Variants in KNTC1 observed in about 807,000 individuals in gnomAD.
KNTC1 encodes the protein kinetochore-associated protein 1.
In KNTC1, 253 loss-of-function variants were observed where a neutral mutation model predicts 314.4. That is an observed-to-expected ratio of 0.80 (90% confidence interval 0.73 to 0.89). KNTC1 has a LOEUF of 0.89. KNTC1 is among the 40% of genes least tolerant of loss of function. The pLI, the probability that KNTC1 is intolerant of heterozygous loss-of-function variation, is 0.00. For synonymous variants in KNTC1, 901 were observed against 901.4 expected (o/e 1.00, Z 0.01); for missense variants, 2,475 against 2,572.9 (o/e 0.96, Z 0.82).
intron 4 of KNTC1, among the ~76,000 whole-genome samples, chr12:122,538,819 G>A (rs1488920100): frequency 6.6e-6 from 1 of 152,204 alleles, no homozygotes; most frequent in African/African-American, 2.4e-5. Context: ...GGCATGTAGA[G>A]GCAGGGAACT....
chr12:122,585,042 C>A, intron 36 of KNTC1, 52 bp downstream of exon 36: 1 of 1,039,550 alleles, frequency 9.6e-7, no homozygotes, highest in Non-Finnish European at 1.5e-6. Context: ...GCATTATGCA[C>A]CTTTTTTTTT....
intron 5 of KNTC1, among the ~76,000 whole-genome samples, chr12:122,541,287 G>GCCTGCCTGCCTGCCTTCCCTCCTTCCTT (rs758235054): frequency 8.3e-6 from 1 of 120,968 alleles, no homozygotes; most frequent in African/African-American, 3.6e-5. Context: ...CTGCCTGCCT[G>GCCTGCCTGCCTGCCTTCCCTCCTTCCTT]CCTTCCTTCC....
intron 19 of KNTC1, among the ~76,000 whole-genome samples, 175 bp from the exon 20 acceptor site, chr12:122,562,463 G>T (rs1011702975): frequency 2.6e-5 from 4 of 151,382 alleles, no homozygotes; most frequent in African/African-American, 7.3e-5. Context: ...GTGTGTGTGT[G>T]TGTGTGTGTG....
intron 34 of KNTC1, 76 bp from the exon 35 acceptor site, chr12:122,584,201 TA>T (rs1868879903): frequency 1.1e-6 from 1 of 927,468 alleles, no homozygotes; most frequent in Non-Finnish European, 1.7e-6. Flanking sequence ...GTGGTGGTGA[TA>T]TATTAATCCA....
At position 122,561,924 on chromosome 12, in the gene KNTC1, T is replaced by C. The variant is rs1964001978; in HGVS notation, c.1492T>C (p.Leu498=). Residue 498 remains leucine (L), a synonymous_variant, in exon 19 of 64, where the codon TTG becomes CTG. Coordinates refer to ENST00000333479, the MANE Select transcript of KNTC1 (RefSeq NM_014708.6). ...ATTTCTTATTATTCTTACTTAGCTT[T>C]TGAAGAAAGAAGATAAAACTGCTCT... ...EMLNYAKTRL[L]KKEDKTALIY... 1 of 1,574,980 alleles carries C rather than the reference T, an allele frequency of 6.3e-7. No individual in the cohort carries two copies. Among genetic ancestry groups the C allele is most frequent in the Non-Finnish European group, 8.7e-7 (1 of 1,148,246 alleles).
In KNTC1 at chr12:122,603,065, C is replaced by T. The variant is rs370507743; in HGVS notation, c.4923C>T (p.His1641=). 9.0e-5 allele frequency: 146 copies of T among 1,613,590 alleles called. 1 individual carries two copies. The highest frequency in any genetic ancestry group is 4.9e-4 in the Middle Eastern group (3 of 6,084). Residue 1641 remains histidine (H), a synonymous_variant, in exon 48 of 64, where the codon CAC becomes CAT. Transcript: ENST00000333479. ...LDTLYVSTAK[H]VFEKKLKPKL... is the part of the protein sequence containing the mutation. ...CTCTGTACGTGTCTACAGCAAAACA[C>T]GTTTTCGAAAAAAAACTGAAGCCAA...
In KNTC1 at chr12:122,553,792, T is replaced by C. The variant is rs150368607; in HGVS notation, c.1272+2096T>C. On this transcript the variant is annotated intron_variant, in intron 16 of 63. Coordinates refer to ENST00000333479, the MANE Select transcript of KNTC1 (RefSeq NM_014708.6). The stretch of plus-strand genomic sequence containing the variant: ...GAAAAACTGTAAGAATGTATGATTA[T>C]GGAAGCCAAGGAAGCAGTAAGTTTT... 6.1e-3 allele frequency among the ~76,000 whole-genome samples: 923 copies of C among 152,152 alleles called. 14 individuals are homozygous for C. Among genetic ancestry groups the C allele is most frequent in the African/African-American group, 0.021 (883 of 41,502 alleles).
At chr12:122,533,183 T>G (rs1213550427) in intron 2 of KNTC1, among the ~76,000 whole-genome samples, 1 of 151,992 alleles carries the variant, frequency 6.6e-6, no homozygotes, top group South Asian at 2.1e-4. Flanking sequence ...TTTTTTTTTT[T>G]TGAGGCAGAG....
intron 8 of KNTC1, among the ~76,000 whole-genome samples, chr12:122,544,773 G>C (rs1593502172): frequency 1.3e-5 from 2 of 152,154 alleles, no homozygotes; most frequent in South Asian, 4.1e-4. Context: ...TTCTGTTTCA[G>C]ATGGAGATTA....
chr12:122,546,922 T>A (rs1056865750), intron 10 of KNTC1, among the ~76,000 whole-genome samples: 30 of 149,532 alleles, frequency 2.0e-4, no homozygotes, highest in Non-Finnish European at 2.2e-4. Context: ...AACCTCCACC[T>A]CCCGGGTTCA....
At chr12:122,532,192 C>CCTGGCTAAT (rs1961398273) in intron 2 of KNTC1, among the ~76,000 whole-genome samples, 1 of 149,048 alleles carries the variant, frequency 6.7e-6, no homozygotes, top group Non-Finnish European at 1.5e-5. Context: ...TGCCACCACG[C>CCTGGCTAAT]CTGGCTAATT....
chr12:122,603,299 G>A (rs1872189498), intron 48 of KNTC1, 56 bp downstream of exon 48: 3 of 1,154,510 alleles, frequency 2.6e-6, no homozygotes, highest in South Asian at 1.5e-5. Flanking sequence ...TACTCTTTTT[G>A]CATCTTTAAG....
At chr12:122,598,073 C>A in intron 44 of KNTC1, 135 bp downstream of exon 44, 1 of 686,500 alleles carries the variant, frequency 1.5e-6, no homozygotes, top group Non-Finnish European at 2.4e-6. Flanking sequence ...CTCTTGATTT[C>A]TATATTTTTA....
intron 44 of KNTC1, among the ~76,000 whole-genome samples, 156 bp from the exon 45 acceptor site, chr12:122,601,380 C>T (rs868684867): frequency 8.5e-5 from 13 of 152,162 alleles, no homozygotes; most frequent in South Asian, 8.3e-4. Context: ...CCACCGTGCC[C>T]GGCCGATTGT....
In KNTC1 at chr12:122,573,061, A is replaced by G. The variant is rs777599329; in HGVS notation, c.2139+5A>G. On this transcript the variant is annotated splice_donor_5th_base_variant and intron_variant, in intron 25 of 63. Coordinates refer to ENST00000333479, the MANE Select transcript of KNTC1 (RefSeq NM_014708.6). ...GCCCTCTCTGATTTTGAGAAGGTAA[A>G]GTCCAGGGTCATAAGAATTATTTTG... The G allele has an allele frequency of 6.2e-7, 1 of 1,612,732 alleles. No homozygotes were observed. Among genetic ancestry groups the G allele is most frequent in the Admixed American group, 1.7e-5 (1 of 59,766 alleles).
Position 122,571,100 on chromosome 12 carries a change from G to A in KNTC1, c.1993G>A (p.Ala665Thr), listed in dbSNP as rs755837728. Residue 665 changes from alanine (A) to threonine (T), a missense_variant, in exon 24 of 64, where the codon GCA becomes ACA. Ala to Thr is a moderately conservative substitution (Grantham distance 58). Coordinates refer to ENST00000333479, the MANE Select transcript of KNTC1 (RefSeq NM_014708.6). ...TAEKTDELGL[A>T]SSWHWISLKD... ...AGAAAAAACAGACGAGTTGGGATTG[G>A]CATCTTCCTGGCATTGGATTTCCTT... The A allele has an allele frequency of 1.2e-5, 19 of 1,613,234 alleles. No homozygotes were observed. The highest frequency in any genetic ancestry group is 1.5e-5 in the Non-Finnish European group (18 of 1,179,296).
intron 3 of KNTC1, among the ~76,000 whole-genome samples, chr12:122,535,191 C>T (rs1483653390): frequency 2.0e-5 from 3 of 152,092 alleles, no homozygotes; most frequent in Non-Finnish European, 4.4e-5. Flanking sequence ...AATTCTTCAT[C>T]GAGCTACAAG....
At chr12:122,571,471 A>G (rs1291656134) in intron 24 of KNTC1, among the ~76,000 whole-genome samples, 1 of 151,634 alleles carries the variant, frequency 6.6e-6, no homozygotes, top group Admixed American at 6.6e-5. Context: ...TGATCCTCCC[A>G]CCTCAGCCTC....
intron 18 of KNTC1, 130 bp from the exon 19 acceptor site, chr12:122,561,791 G>T: frequency 1.5e-6 from 1 of 663,646 alleles, no homozygotes; most frequent in Non-Finnish European, 2.5e-6. Context: ...GTTCTTTATA[G>T]TTTACTATTC....
Sources: allele counts gnomAD v4.1 joint callset (sites outside exome capture counted in the v4.1 genomes callset), GRCh38; gene constraint gnomAD v4.1.1; transcripts MANE v1.5; gene names NCBI Gene and HGNC (gene_info 2026-07-23, HGNC 2026-07-21).